The following ATRNL1 variants were observed in gnomAD, a reference collection of about 807,000 sequenced individuals.
ATRNL1 encodes attractin like 1.
A neutral mutation model predicts 182.7 loss-of-function variants in ATRNL1; 95 were observed. The observed-to-expected ratio is 0.52, with a 90% CI of 0.44 to 0.62. ATRNL1 has a LOEUF of 0.62. Ranked by LOEUF, ATRNL1 falls within the 20% of genes least tolerant of loss-of-function variation. ATRNL1 has a pLI of 0.00. For missense variants in ATRNL1, 1,471 were observed against 1,679.5 expected (o/e 0.88, Z 2.17); for synonymous variants, 576 against 568.3 (o/e 1.01, Z -0.19).
intron 27 of ATRNL1, among the ~76,000 whole-genome samples, chr10:115,834,361 G>A (rs1418308058): frequency 6.6e-6 from 1 of 152,112 alleles, no homozygotes; most frequent in African/African-American, 2.4e-5. Flanking sequence ...GATTATACCT[G>A]TAATTTTTTC....
rs1847270797 is a variant in ATRNL1 at position 115,171,071 on chromosome 10, C to G, written c.1127C>G (p.Thr376Arg). The G allele has an allele frequency of 6.3e-7, 1 of 1,577,522 alleles. No homozygotes were observed. Among genetic ancestry groups the G allele is most frequent in the African/African-American group, 1.3e-5 (1 of 74,244 alleles). The change falls in exon 8 of 29, where the codon ACA becomes AGA. Residue 376 changes from threonine (T) to arginine (R), a missense_variant. Thr to Arg is a moderately conservative substitution (Grantham distance 71). Coordinates refer to ENST00000355044, the MANE Select transcript of ATRNL1 (RefSeq NM_207303.4). ...NIFMYGGRIE[T>R]NDGNVTDELW... ...TTTATGTATGGAGGCAGAATTGAAA[C>G]AAATGATGGCAATGTCACAGATGAA...
intron 19 of ATRNL1, among the ~76,000 whole-genome samples, chr10:115,358,871 T>C (rs1277709308): frequency 6.6e-6 from 1 of 151,700 alleles, no homozygotes; most frequent in African/African-American, 2.4e-5. Flanking sequence ...ATGTCTATTA[T>C]TATTTAGCCT....
At chr10:115,366,210 G>A (rs1350278414) in intron 19 of ATRNL1, among the ~76,000 whole-genome samples, 1 of 152,014 alleles carries the variant, frequency 6.6e-6, no homozygotes, top group Non-Finnish European at 1.5e-5. Flanking sequence ...TCCTGTATTG[G>A]GTGCATATAT....
rs371589977 is a variant in ATRNL1 at position 115,410,446 on chromosome 10, C to T, written c.3269+15694C>T. ...AAGTGATTCTCCTGCCTCAGCCTCC[C>T]GAGTAGCTGGGACTACAGGTGTGCA... On this transcript the variant is annotated intron_variant, in intron 20 of 28. Coordinates refer to ENST00000355044, the MANE Select transcript of ATRNL1 (RefSeq NM_207303.4). Among the ~76,000 whole-genome samples the T allele has an allele frequency of 4.6e-5, 7 of 151,416 alleles. No individual in the cohort carries two copies. The South Asian group carries it at 6.3e-4, about 14-fold the overall frequency.
chr10:115,223,082 C>T (rs929893917), intron 9 of ATRNL1, among the ~76,000 whole-genome samples: 4 of 152,092 alleles, frequency 2.6e-5, no homozygotes, highest in African/African-American at 9.7e-5. Flanking sequence ...GGGTTCAATA[C>T]CAGCCTGGCC....
intron 8 of ATRNL1, 68 bp downstream of exon 8, chr10:115,171,360 T>C: frequency 7.3e-7 from 1 of 1,378,746 alleles, no homozygotes; most frequent in East Asian, 2.4e-5. Context: ...AAAATCTTCA[T>C]ATGAATTTAG....
chr10:115,485,530 C>T (rs1457782163), intron 24 of ATRNL1, among the ~76,000 whole-genome samples: 1 of 151,974 alleles, frequency 6.6e-6, no homozygotes, highest in Non-Finnish European at 1.5e-5. Flanking sequence ...GAGAATACAA[C>T]ATATTATCAT....
Position 115,319,529 on chromosome 10 carries a change from G to C in ATRNL1, c.3037+3793G>C, listed in dbSNP as rs540948701. ...ATTGTGTGGGAGTCTAAGTCTCTTT[G>C]TAGGTCTCTACAAACTTGTTTTATG... On this transcript the variant is annotated intron_variant, in intron 18 of 28. Transcript: ENST00000355044. Among the ~76,000 whole-genome samples, 6 of 152,262 alleles carry C rather than the reference G, an allele frequency of 3.9e-5. No homozygotes were observed. The South Asian group carries it at 1.0e-3, about 26-fold the overall frequency.
intron 24 of ATRNL1, among the ~76,000 whole-genome samples, chr10:115,477,873 G>T (rs1848602863): frequency 6.6e-6 from 1 of 151,608 alleles, no homozygotes; most frequent in Non-Finnish European, 1.5e-5. Context: ...TTAATCTGCT[G>T]CAAAGTGAAT....
intron 25 of ATRNL1, among the ~76,000 whole-genome samples, chr10:115,524,886 G>A (rs572627824): frequency 3.9e-5 from 6 of 152,264 alleles, no homozygotes; most frequent in African/African-American, 1.2e-4. Flanking sequence ...TGTGTCTAAT[G>A]GGAGTCAATT....
chr10:115,856,428 C>CA lies in ATRNL1; in HGVS notation c.4018+8459dup, dbSNP rs572743389. Among the ~76,000 whole-genome samples, 71 of 22,536 alleles carry CA rather than the reference C, an allele frequency of 3.2e-3. 5 individuals are homozygous for CA. Among genetic ancestry groups the CA allele is most frequent in the African/African-American group, 5.4e-3 (39 of 7,282 alleles). The allele number at this position is 22,536 out of a possible 152,430, so 14.8% of individuals were successfully genotyped here. ...GGGCAACAAGAGCGAAGCTCCATCTCAAAAAAAAAAAAAAAAAAAAAAGCC... is the reference window on the plus strand; with the variant it reads ...GGGCAACAAGAGCGAAGCTCCATCTCAAAAAAAAAAAAAAAAAAAAAAAGCC... On this transcript the variant is annotated intron_variant, in intron 28 of 28. Transcript: ENST00000355044.
chr10:115,558,138 C>G (rs1554997782), intron 26 of ATRNL1, among the ~76,000 whole-genome samples: 1 of 151,804 alleles, frequency 6.6e-6, no homozygotes, highest in African/African-American at 2.4e-5. Flanking sequence ...ACACTTGTTA[C>G]TGGTGGAGGG....
intron 21 of ATRNL1, among the ~76,000 whole-genome samples, chr10:115,447,602 A>G (rs1184375938): frequency 6.6e-6 from 1 of 151,902 alleles, no homozygotes; most frequent in African/African-American, 2.4e-5. Context: ...CAATGCTAAT[A>G]TATGCAGCCA....
intron 26 of ATRNL1, among the ~76,000 whole-genome samples, chr10:115,709,534 G>T (rs1270952086): frequency 1.3e-5 from 2 of 151,814 alleles, no homozygotes; most frequent in Non-Finnish European, 2.9e-5. Context: ...AATGGAAAAG[G>T]CAGGGCAGGA....
chr10:115,450,369 A>G lies in ATRNL1; in HGVS notation c.3323-11572A>G, dbSNP rs1197497657. On this transcript the variant is annotated intron_variant, in intron 21 of 28. Transcript: ENST00000355044. ...CCCTCTTTCCAGAAGACATGATCCT[A>G]TATGTAGAAAATCCTATAGTCTGAG... 2.6e-5 allele frequency among the ~76,000 whole-genome samples: 4 copies of G among 152,204 alleles called. No individual in the cohort carries two copies. The East Asian group carries it at 5.8e-4, about 22-fold the overall frequency.
intron 25 of ATRNL1, among the ~76,000 whole-genome samples, chr10:115,534,168 T>C (rs1851798215): frequency 6.6e-6 from 1 of 151,676 alleles, no homozygotes; most frequent in Non-Finnish European, 1.5e-5. Flanking sequence ...TTGTTGACTT[T>C]CTGTCTCGTT....
chr10:115,927,269 G>C (rs1428261813), intron 28 of ATRNL1, among the ~76,000 whole-genome samples: 1 of 152,184 alleles, frequency 6.6e-6, no homozygotes, highest in East Asian at 1.9e-4. Flanking sequence ...AAAATCATGA[G>C]AGCTATTTAT....
chr10:115,743,542 T>C (rs1555068332), intron 27 of ATRNL1, among the ~76,000 whole-genome samples: 1 of 152,084 alleles, frequency 6.6e-6, no homozygotes, highest in Non-Finnish European at 1.5e-5. Context: ...CAGTGAAGCA[T>C]TGAGGATATA....
intron 24 of ATRNL1, among the ~76,000 whole-genome samples, chr10:115,481,544 A>T (rs1478301744): frequency 6.6e-6 from 1 of 150,846 alleles, no homozygotes. Flanking sequence ...TGAATTTCAT[A>T]CAGTAGGCAA....
Sources: allele counts gnomAD v4.1 joint callset (sites outside exome capture counted in the v4.1 genomes callset), GRCh38; gene constraint gnomAD v4.1.1; transcripts MANE v1.5; gene names NCBI Gene and HGNC (gene_info 2026-07-23, HGNC 2026-07-21).